Variants in NCKAP5 observed in about 807,000 individuals in gnomAD.
NCKAP5 encodes the protein NCK associated protein 5, also known as nck-associated protein 5.
In NCKAP5, 92 loss-of-function variants were observed where a neutral mutation model predicts 167.0. That is an observed-to-expected ratio of 0.55 (90% CI 0.47 to 0.66). NCKAP5 has a LOEUF of 0.66. Ranked by LOEUF, NCKAP5 falls within the 30% of genes least tolerant of loss-of-function variation. The pLI is 0.00. For missense variants in NCKAP5, 2,378 were observed against 2,315.0 expected, an observed-to-expected ratio of 1.03 and a Z score of -0.56; for synonymous variants, 891 against 877.4, an observed-to-expected ratio of 1.02 and a Z score of -0.27.
chr2:133,535,457 A>G (rs1166624760), intron 2 of NCKAP5, among the ~76,000 whole-genome samples: 1 of 152,130 alleles, frequency 6.6e-6, no homozygotes, highest in African/African-American at 2.4e-5. Flanking sequence ...TATTGCTGCA[A>G]AAGACAGTAT....
intron 6 of NCKAP5, among the ~76,000 whole-genome samples, chr2:133,023,719 C>T (rs564112566): frequency 6.6e-6 from 1 of 152,272 alleles, no homozygotes; most frequent in South Asian, 2.1e-4. Context: ...CTGTTCCTGC[C>T]TTAATTTGCT....
At chr2:132,809,850 T>C (rs923948222) in intron 11 of NCKAP5, among the ~76,000 whole-genome samples, 1 of 152,172 alleles carries the variant, frequency 6.6e-6, no homozygotes, top group Non-Finnish European at 1.5e-5. Context: ...TGTTTTTGCT[T>C]TTTAACTTGT....
chr2:132,876,601 T>C (rs1691300300), intron 9 of NCKAP5, among the ~76,000 whole-genome samples: 1 of 152,236 alleles, frequency 6.6e-6, no homozygotes, highest in Non-Finnish European at 1.5e-5. Flanking sequence ...ATGGATTATC[T>C]ACCCTCATGT....
chr2:133,431,398 C>G (rs1353532304), intron 3 of NCKAP5, among the ~76,000 whole-genome samples: 1 of 152,054 alleles, frequency 6.6e-6, no homozygotes, highest in African/African-American at 2.4e-5. Flanking sequence ...ACCACCCACT[C>G]TGGACTTTTA....
chr2:132,834,746 C>T (rs1371006114), intron 11 of NCKAP5, among the ~76,000 whole-genome samples: 1 of 152,158 alleles, frequency 6.6e-6, no homozygotes, highest in East Asian at 1.9e-4. Context: ...GCCTCAGCTT[C>T]CCAAAGGCTG....
chr2:133,211,969 T>C (rs369472053), intron 5 of NCKAP5, among the ~76,000 whole-genome samples: 1 of 152,206 alleles, frequency 6.6e-6, no homozygotes, highest in Admixed American at 6.5e-5. Flanking sequence ...TGAGAAAGAA[T>C]TAAAGTTCAT....
At chr2:133,090,821 T>C (rs1327428594) in intron 6 of NCKAP5, among the ~76,000 whole-genome samples, 1 of 152,124 alleles carries the variant, frequency 6.6e-6, no homozygotes, top group African/African-American at 2.4e-5. Context: ...GAAACCTCTG[T>C]TCTATTTCAA....
intron 5 of NCKAP5, among the ~76,000 whole-genome samples, chr2:133,201,435 T>C (rs1349914619): frequency 6.6e-6 from 1 of 151,940 alleles, no homozygotes; most frequent in Non-Finnish European, 1.5e-5. Flanking sequence ...AAACATTAGG[T>C]TGAAGTAAAG....
At chr2:133,366,377 A>T (rs1283640396) in intron 3 of NCKAP5, among the ~76,000 whole-genome samples, 1 of 152,160 alleles carries the variant, frequency 6.6e-6, no homozygotes, top group Non-Finnish European at 1.5e-5. Context: ...ATCTTGGCTC[A>T]CTGTAACCTC....
intron 11 of NCKAP5, among the ~76,000 whole-genome samples, chr2:132,810,765 T>C (rs898992519): frequency 3.3e-5 from 5 of 152,236 alleles, no homozygotes; most frequent in African/African-American, 1.2e-4. Context: ...AAATTCTTTT[T>C]CACATAAATC....
At chr2:133,001,215 CTTTTT>C (rs56110206) in intron 6 of NCKAP5, among the ~76,000 whole-genome samples, 2 of 134,424 alleles carry the variant, frequency 1.5e-5, no homozygotes, top group African/African-American at 5.4e-5. Context: ...CTTTGACTTA[CTTTTT>C]TTTTTTTTTT....
chr2:132,941,593 G>T (rs1697302744), intron 8 of NCKAP5, among the ~76,000 whole-genome samples: 1 of 152,206 alleles, frequency 6.6e-6, no homozygotes, highest in Non-Finnish European at 1.5e-5. Flanking sequence ...AAACCAGGGA[G>T]AAGCACAGCT....
the NCKAP5 span, among the ~76,000 whole-genome samples, chr2:133,650,679 A>T: frequency 1.3e-5 from 2 of 152,080 alleles, no homozygotes; most frequent in Non-Finnish European, 2.9e-5. Context: ...GTTTGAGACG[A>T]GTCTGGCCAA....
At chr2:132,822,927 A>G (rs1245654258) in intron 11 of NCKAP5, among the ~76,000 whole-genome samples, 1 of 152,216 alleles carries the variant, frequency 6.6e-6, no homozygotes, top group African/African-American at 2.4e-5. Flanking sequence ...AGTTTCAACA[A>G]TAGACTAGGA....
At chr2:133,290,695 C>T (rs1679517867) in intron 4 of NCKAP5, among the ~76,000 whole-genome samples, 1 of 150,140 alleles carries the variant, frequency 6.7e-6, no homozygotes, top group Admixed American at 6.6e-5. Context: ...TGGTCTCATC[C>T]CTAATGAACA....
chr2:133,294,707 A>G (rs1679840622), intron 4 of NCKAP5, among the ~76,000 whole-genome samples: 1 of 152,222 alleles, frequency 6.6e-6, no homozygotes, highest in Non-Finnish European at 1.5e-5. Context: ...CACTCTACTT[A>G]GTTAAGACAT....
At chr2:133,041,008 A>T (rs1427062901) in intron 6 of NCKAP5, among the ~76,000 whole-genome samples, 1 of 152,212 alleles carries the variant, frequency 6.6e-6, no homozygotes, top group Middle Eastern at 3.2e-3. Context: ...GCCTGAGCGC[A>T]AATGACAAAT....
At chr2:132,682,408 C>T (rs1484576101) in intron 19 of NCKAP5, among the ~76,000 whole-genome samples, 1 of 152,116 alleles carries the variant, frequency 6.6e-6, no homozygotes, top group Non-Finnish European at 1.5e-5. Flanking sequence ...CTGCCACATC[C>T]TTTGTTTATT....
chr2:133,342,004 T>C (rs1357442765), intron 3 of NCKAP5, among the ~76,000 whole-genome samples: 1 of 152,124 alleles, frequency 6.6e-6, no homozygotes, highest in Non-Finnish European at 1.5e-5. Flanking sequence ...AGCGGTGCGA[T>C]CTCGACTTAC....
Sources: allele counts gnomAD v4.1 joint callset (sites outside exome capture counted in the v4.1 genomes callset), GRCh38; gene constraint gnomAD v4.1.1; transcripts MANE v1.5; gene names NCBI Gene and HGNC (gene_info 2026-07-23, HGNC 2026-07-21).